The following TTC7A variants were observed in gnomAD, a reference collection of about 807,000 sequenced individuals.
The protein encoded by TTC7A is tetratricopeptide repeat protein 7A.
Under a neutral mutation model 103.7 loss-of-function variants are expected in TTC7A, and 110 were observed. That is an observed-to-expected ratio of 1.06 (90% CI 0.91 to 1.24). The LOEUF (loss-of-function observed/expected upper bound fraction) is 1.24, where lower values mean the gene tolerates loss of function less well. Ranked by LOEUF, TTC7A falls within the 50% of genes most tolerant of loss-of-function variation. The pLI is 0.00. For synonymous variants in TTC7A, 521 were observed against 467.9 expected (o/e 1.11, Z -1.47); for missense variants, 1,340 against 1,116.3 (o/e 1.20, Z -2.86).
intron 2 of TTC7A, among the ~76,000 whole-genome samples, chr2:46,955,615 G>T (rs983672147): frequency 1.3e-5 from 2 of 152,290 alleles, no homozygotes; most frequent in Admixed American, 1.3e-4. Flanking sequence ...GAGGAATGTG[G>T]ATTTACAAAG....
At chr2:46,941,018 A>C (rs1277580408), upstream of TTC7A, among the ~76,000 whole-genome samples, 6 of 151,056 alleles carry the variant, frequency 4.0e-5, no homozygotes, top group African/African-American at 1.5e-4. This position sits in a 1 kb window ranked among gnomAD's most constrained non-coding sequence, Gnocchi z 4.2. Flanking sequence ...GCGCGGGATT[A>C]AAGTGAGCTC....
intron 18 of TTC7A, chr2:47,054,037 A>G (rs1683118671): frequency 2.2e-6 from 2 of 891,878 alleles, no homozygotes; most frequent in South Asian, 1.0e-4. Context: ...AGAGAAACAC[A>G]TGCCTTTCAG....
rs970630793 is a variant in TTC7A, at chr2:47,049,890, T to C, written c.1920-59T>C. Reference sequence around the variant, plus strand: ...TTGTGATGCTGGCCCTCTACCTCACTGGGCCCTGTGATGCTAGCCCTCTAC... The same window carrying C: ...TTGTGATGCTGGCCCTCTACCTCACCGGGCCCTGTGATGCTAGCCCTCTAC... On this transcript the variant is annotated intron_variant, in intron 16 of 19. Transcript: ENST00000319190. 4 of 1,308,214 alleles carry C rather than the reference T, an allele frequency of 3.1e-6. No individual in the cohort carries two copies. The African/African-American group carries it at 5.8e-5, about 19-fold the overall frequency. The allele number at this position is 1,308,214 out of a possible 1,614,324, so 81.0% of individuals were successfully genotyped here.
chr2:46,965,141 C>T (rs908709539), intron 3 of TTC7A, among the ~76,000 whole-genome samples: 5 of 152,248 alleles, frequency 3.3e-5, no homozygotes, highest in South Asian at 2.1e-4. Flanking sequence ...TCTCCCCGCC[C>T]GTTGAAGATG....
chr2:46,927,339 T>TA (rs1439632203), intron 2 of TTC7A, among the ~76,000 whole-genome samples: 1 of 148,174 alleles, frequency 6.7e-6, no homozygotes, highest in Admixed American at 6.8e-5. Flanking sequence ...ATATTAAAGA[T>TA]AGAGGAGAAA....
intron 2 of TTC7A, among the ~76,000 whole-genome samples, chr2:46,926,239 G>A (rs912799083): frequency 2.0e-5 from 3 of 152,156 alleles, no homozygotes; most frequent in Non-Finnish European, 2.9e-5. Flanking sequence ...CTAGATGGTC[G>A]GGGAGACATA....
intron 8 of TTC7A, among the ~76,000 whole-genome samples, chr2:47,002,985 T>C (rs1237964774): frequency 6.6e-6 from 1 of 152,166 alleles, no homozygotes; most frequent in African/African-American, 2.4e-5. Context: ...GGATTTGTGC[T>C]GCTGCTGCTG....
At chr2:47,021,729 C>A in intron 11 of TTC7A, 133 bp from the exon 12 acceptor site, 1 of 736,888 alleles carries the variant, frequency 1.4e-6, no homozygotes. Context: ...GCAAGGGAAG[C>A]TTCTCCCTGT....
intron 2 of TTC7A, among the ~76,000 whole-genome samples, chr2:46,932,137 T>C (rs1393421842): frequency 6.6e-6 from 1 of 151,836 alleles, no homozygotes; most frequent in Admixed American, 6.6e-5. Context: ...GAAAGCAATG[T>C]AGGGCTTCTG....
Position 46,978,940 on chromosome 2 carries a change from C to T in TTC7A, c.764+33C>T, listed in dbSNP as rs367614488. ...ACTGGTAGTTGAGTGAGTGGGAGAA[C>T]GATTCCCCTGGGCTGAGGCTTTTGA... On this transcript the variant is annotated intron_variant, in intron 5 of 19. Coordinates refer to ENST00000319190, the MANE Select transcript of TTC7A (RefSeq NM_020458.4). 94 of 1,506,906 alleles carry T rather than the reference C, an allele frequency of 6.2e-5. No individual in the cohort carries two copies. The African/African-American group carries it at 6.5e-4, about 10-fold the overall frequency. The allele number at this position is 1,506,906 out of a possible 1,614,324, so 93.3% of individuals were successfully genotyped here.
At chr2:46,992,016 G>A (rs372406161) in intron 5 of TTC7A, among the ~76,000 whole-genome samples, 2 of 152,340 alleles carry the variant, frequency 1.3e-5, no homozygotes, top group East Asian at 3.9e-4. Flanking sequence ...AAAGCCCCCA[G>A]GAGCCTGTTT....
At chr2:47,019,384 AAC>A (rs1389775735) in intron 11 of TTC7A, among the ~76,000 whole-genome samples, 3 of 152,118 alleles carry the variant, frequency 2.0e-5, no homozygotes, top group South Asian at 4.1e-4. Flanking sequence ...TAAAAAAAAA[AAC>A]ACACACAAAA....
intron 19 of TTC7A, among the ~76,000 whole-genome samples, chr2:47,071,489 G>A (rs1051433152): frequency 2.6e-5 from 4 of 152,198 alleles, no homozygotes; most frequent in African/African-American, 7.2e-5. Context: ...CTGCCCCCGC[G>A]GTGATTTTTC....
chr2:47,054,135 T>C (rs1214540190), intron 18 of TTC7A: 1 of 985,292 alleles, frequency 1.0e-6, no homozygotes, highest in Admixed American at 6.1e-5. Flanking sequence ...TCTGAATGCT[T>C]TGAATGTGGC....
chr2:47,063,064 C>T (rs963751868), intron 19 of TTC7A, among the ~76,000 whole-genome samples: 1 of 152,238 alleles, frequency 6.6e-6, no homozygotes, highest in Admixed American at 6.5e-5. Context: ...TTTCTAAAGA[C>T]ATTTGAACAC....
chr2:46,980,216 C>G (rs868044761), intron 5 of TTC7A, among the ~76,000 whole-genome samples: 1 of 124,124 alleles, frequency 8.1e-6, no homozygotes. Context: ...TACTCTCTCT[C>G]TTTTTTTTTT....
At chr2:47,002,814 T>C (rs17036039) in intron 8 of TTC7A, among the ~76,000 whole-genome samples, 10,784 of 152,086 alleles carry the variant, frequency 0.071, 623 homozygotes, top group African/African-American at 0.16. Flanking sequence ...AATATTTCAC[T>C]TCGGCCCTGC....
intron 11 of TTC7A, among the ~76,000 whole-genome samples, chr2:47,013,561 C>T (rs1170969352): frequency 6.6e-6 from 1 of 152,208 alleles, no homozygotes; most frequent in Non-Finnish European, 1.5e-5. Context: ...GCTGCCAGCT[C>T]TGAGGTAGCT....
intron 15 of TTC7A, among the ~76,000 whole-genome samples, chr2:47,041,413 A>G (rs994406886): frequency 6.6e-6 from 1 of 152,226 alleles, no homozygotes; most frequent in Non-Finnish European, 1.5e-5. Flanking sequence ...TTCACCATCC[A>G]TAGGCCGGGC....
Sources: allele counts gnomAD v4.1 joint callset (sites outside exome capture counted in the v4.1 genomes callset), GRCh38; gene constraint gnomAD v4.1.1; non-coding constraint Gnocchi (gnomAD v3.1); transcripts MANE v1.5; gene names NCBI Gene and HGNC (gene_info 2026-07-23, HGNC 2026-07-21).